Variants in FAT2 observed in about 807,000 individuals in gnomAD.
FAT2 encodes the protein FAT atypical cadherin 2.
In FAT2, 150 loss-of-function variants were observed where a neutral mutation model predicts 295.3. The observed-to-expected ratio is 0.51, with a 90% CI of 0.44 to 0.58. The LOEUF (loss-of-function observed/expected upper bound fraction) is 0.58, where lower values mean the gene tolerates loss of function less well. FAT2 is among the 20% of genes least tolerant of loss of function. The pLI is 0.00. For missense variants in FAT2, 4,868 were observed against 5,442.7 expected (o/e 0.89, Z 3.32); for synonymous variants, 2,026 against 2,150.3 (o/e 0.94, Z 1.60).
At chr5:151,557,245 C>G (rs1387486546) in intron 3 of FAT2, among the ~76,000 whole-genome samples, 2 of 152,136 alleles carry the variant, frequency 1.3e-5, no homozygotes, top group African/African-American at 4.8e-5. Context: ...TTTCAATAAA[C>G]AAACCCCAGT....
At chr5:151,518,987 G>A (rs762276172) in intron 19 of FAT2, among the ~76,000 whole-genome samples, 22 of 152,148 alleles carry the variant, frequency 1.4e-4, no homozygotes, top group Non-Finnish European at 2.2e-4. Context: ...TGAAGAGAGA[G>A]AACAAAAGCC....
Position 151,534,601 on chromosome 5 carries a change from CCT to C in FAT2, c.9233_9234del (p.Lys3078ArgfsTer30). 1 of 1,614,048 alleles carries C rather than the reference CCT, an allele frequency of 6.2e-7. No individual in the cohort carries two copies. ...TTLTALDRER[K>X]DVFNLVAKAT... ...GCCTTGGCAACAAGGTTGAACACATCCTTCCTTTCTCGGTCTAGGGCAGTGAG... is the reference window on the plus strand; with the variant it reads ...GCCTTGGCAACAAGGTTGAACACATCTCCTTTCTCGGTCTAGGGCAGTGAG... On this transcript the variant is annotated frameshift_variant, in exon 13 of 24. Coordinates refer to ENST00000261800, the MANE Select transcript of FAT2 (RefSeq NM_001447.3). LOFTEE classifies it high-confidence loss of function.
chr5:151,529,925 C>G (rs955258469), intron 14 of FAT2, among the ~76,000 whole-genome samples: 8 of 152,248 alleles, frequency 5.3e-5, no homozygotes, highest in African/African-American at 1.9e-4. Flanking sequence ...TCCTGCCTTT[C>G]CCGGCTAACC....
chr5:151,580,838 C>T (rs1338341441), intron 1 of FAT2, among the ~76,000 whole-genome samples: 2 of 152,190 alleles, frequency 1.3e-5, no homozygotes, highest in African/African-American at 2.4e-5. Flanking sequence ...TATGTTCTGC[C>T]ACTGACATGT....
intron 2 of FAT2, among the ~76,000 whole-genome samples, chr5:151,565,266 C>T (rs932067419): frequency 1.3e-5 from 2 of 151,498 alleles, no homozygotes; most frequent in African/African-American, 2.4e-5. Context: ...ACTGTATTTT[C>T]ATAATAATAA....
In FAT2 at chr5:151,568,069, G is replaced by C. The variant is rs1758362652; in HGVS notation, c.863C>G (p.Ser288Ter). ...AGGGTCACCACCAACAACTTCCACT[G>C]ACTCCACTTCAGCTCCTGAGCTATT... ...DANSSGAEVE[S>*]VEVVGGDPGK... is the part of the protein sequence containing the mutation. The change falls in exon 2 of 24, where the codon TCA becomes TGA. Residue 288 changes from serine to a stop codon, truncating the protein, a stop_gained. Transcript: ENST00000261800. LOFTEE classifies it high-confidence loss of function. 6.2e-7 allele frequency: 1 copy of C among 1,614,188 alleles called. No individual in the cohort carries two copies. Among genetic ancestry groups the C allele is most frequent in the Non-Finnish European group, 8.5e-7 (1 of 1,180,028 alleles).
Position 151,544,455 on chromosome 5 carries a change from G to A in FAT2, c.6672C>T (p.Val2224=). 1 of 1,614,132 alleles carries A rather than the reference G, an allele frequency of 6.2e-7. No homozygotes were observed. The highest frequency in any genetic ancestry group is 8.5e-7 in the Non-Finnish European group (1 of 1,180,024). The part of the protein sequence containing the change: ...MLFTTDFKTG[V]LTVTGPLDYE... ...AGTCCAAAGGCCCTGTTACTGTTAG[G>A]ACACCAGTCTTGAAGTCAGTGGTGA... The change falls in exon 10 of 24, where the codon GTC becomes GTT. Residue 2224 remains valine, a synonymous_variant. Coordinates refer to ENST00000261800, the MANE Select transcript of FAT2 (RefSeq NM_001447.3).
intron 12 of FAT2, among the ~76,000 whole-genome samples, chr5:151,535,489 G>A (rs948077344): frequency 6.6e-6 from 1 of 152,114 alleles, no homozygotes; most frequent in Non-Finnish European, 1.5e-5. Flanking sequence ...AACACAGGGC[G>A]GTTCCTGGAG....
chr5:151,540,890 C>T, intron 10 of FAT2, 127 bp from the exon 11 acceptor site: 7 of 830,910 alleles, frequency 8.4e-6, no homozygotes, highest in South Asian at 3.8e-5. Context: ...CCTTCCTTAA[C>T]TAGGAACCCA....
Position 151,568,291 on chromosome 5 carries a change from C to T in FAT2, c.641G>A (p.Arg214Gln), listed in dbSNP as rs1449378728. ...TVAGKLNVTW[R>Q]GKHELQVLAV... is the part of the protein sequence containing the mutation. ...TAGCACCTGGAGCTCATGCTTTCCT[C>T]GCCAGGTGACGTTAAGCTTCCCAGC... Residue 214 changes from arginine (R) to glutamine (Q), a missense_variant, in exon 2 of 24, where the codon CGA (arginine) becomes CAA (glutamine). By Grantham distance (43) the Arg-to-Gln change is conservative. This residue lies in a region of FAT2 where 3,297 missense variants were observed against 3,669.4 expected (regional missense o/e 0.90). Coordinates refer to ENST00000261800, the MANE Select transcript of FAT2 (RefSeq NM_001447.3). 6.2e-6 allele frequency: 10 copies of T among 1,614,192 alleles called. No individual in the cohort carries two copies. The highest frequency in any genetic ancestry group is 1.7e-5 in the Admixed American group (1 of 60,024).
chr5:151,584,408 C>A (rs570884552), intron 1 of FAT2, among the ~76,000 whole-genome samples: 2 of 152,068 alleles, frequency 1.3e-5, no homozygotes, highest in Non-Finnish European at 2.9e-5. Context: ...TATTCTGGTC[C>A]GTTTTCTTAT....
chr5:151,506,654 C>A (rs569584904), intron 23 of FAT2, among the ~76,000 whole-genome samples: 1 of 152,310 alleles, frequency 6.6e-6, no homozygotes, highest in Admixed American at 6.5e-5. Context: ...GTGAAAATAC[C>A]TATCATAACT....
chr5:151,587,837 A>G lies in FAT2; in HGVS notation c.-21+3328T>C, dbSNP rs1759237885. ...CCACACTGAAAACAATGACAACAACAAGAAGCAGTAGAGGGTGATGTGGGC... is the reference window on the plus strand; with the variant it reads ...CCACACTGAAAACAATGACAACAACGAGAAGCAGTAGAGGGTGATGTGGGC... On this transcript the variant is annotated intron_variant, in intron 1 of 23. Coordinates refer to ENST00000261800, the MANE Select transcript of FAT2 (RefSeq NM_001447.3). Among the ~76,000 whole-genome samples the G allele has an allele frequency of 2.0e-5, 3 of 152,220 alleles. No individual in the cohort carries two copies. In the South Asian group the frequency reaches 6.2e-4, roughly 32 times the overall value.
intron 12 of FAT2, among the ~76,000 whole-genome samples, chr5:151,535,764 C>T (rs1005700693): frequency 6.6e-6 from 1 of 151,998 alleles, no homozygotes; most frequent in East Asian, 1.9e-4. Context: ...GTGGACAGAG[C>T]CCTAAACCCA....
In FAT2 at chr5:151,525,758, C is replaced by G. The variant is rs2127583853; in HGVS notation, c.10506+10G>C. ...CATGGTCACCACCAGAAGCCTAGCA[C>G]AGCTCTCACCTGGATCTGAAGCTGA... On this transcript the variant is annotated intron_variant, in intron 18 of 23. Coordinates refer to ENST00000261800, the MANE Select transcript of FAT2 (RefSeq NM_001447.3). 4 of 1,614,102 alleles carry G rather than the reference C, an allele frequency of 2.5e-6. No individual in the cohort carries two copies. Among genetic ancestry groups the G allele is most frequent in the Non-Finnish European group, 3.4e-6 (4 of 1,179,992 alleles).
At chr5:151,586,008 G>A (rs910615821) in intron 1 of FAT2, among the ~76,000 whole-genome samples, 2 of 152,168 alleles carry the variant, frequency 1.3e-5, no homozygotes, top group Admixed American at 6.5e-5. Flanking sequence ...CAAGCACCCC[G>A]ACTCCAGAGC....
At position 151,554,438 on chromosome 5, in the gene FAT2, G is replaced by C. The variant is rs758404210; in HGVS notation, c.3869C>G (p.Ala1290Gly). 1.5e-5 allele frequency: 25 copies of C among 1,614,196 alleles called. No individual in the cohort carries two copies. The highest frequency in any genetic ancestry group is 2.2e-5 in the South Asian group (2 of 91,080). The change falls in exon 5 of 24, where the codon GCC becomes GGC. Residue 1290 changes from alanine (A) to glycine (G), a missense_variant. By Grantham distance (60) the Ala-to-Gly change is moderately conservative. This residue lies in a region of FAT2 where 3,297 missense variants were observed against 3,669.4 expected (regional missense o/e 0.90). Coordinates refer to ENST00000261800, the MANE Select transcript of FAT2 (RefSeq NM_001447.3). ...TYSIEDSDEE[A>G]FSIDLVTGVV... ...ACCTGTGACCAGGTCGATACTGAAG[G>C]CCTCCTCATCGCTGTCCTCGATACT...
intron 1 of FAT2, among the ~76,000 whole-genome samples, chr5:151,584,397 A>C (rs1280344229): frequency 6.6e-6 from 1 of 152,116 alleles, no homozygotes; most frequent in African/African-American, 2.4e-5. Flanking sequence ...TCTTGGAGCA[A>C]TATTCTGGTC....
intron 17 of FAT2, among the ~76,000 whole-genome samples, chr5:151,526,842 C>T (rs1036804246): frequency 6.6e-5 from 10 of 152,124 alleles, no homozygotes; most frequent in Non-Finnish European, 1.2e-4. Context: ...ATCCCAAGGC[C>T]CTCTCCAAAT....
Sources: gnomAD v4.1 joint callset for allele counts (sites outside exome capture counted in the v4.1 genomes callset) on GRCh38, gnomAD v4.1.1 for gene constraint, gnomAD v4.1.1 regional missense constraint, MANE v1.5 for transcripts, NCBI Gene and HGNC (gene_info 2026-07-23, HGNC 2026-07-21) for gene names.